Variants in PDSS1 observed in about 807,000 individuals in gnomAD.
PDSS1 encodes the protein all trans-polyprenyl-diphosphate synthase PDSS1.
PDSS1 carries 43 observed loss-of-function variants against 57.5 expected under a neutral mutation model. The ratio of observed to expected loss-of-function variants is 0.75; its 90% CI spans 0.59 to 0.96. The LOEUF is 0.96. Ranked by LOEUF, PDSS1 falls within the 50% of genes least tolerant of loss-of-function variation. The pLI, the probability that PDSS1 is intolerant of heterozygous loss-of-function variation, is 0.00. For synonymous variants in PDSS1, 175 were observed against 191.3 expected, an observed-to-expected ratio of 0.91 and a Z score of 0.70; for missense variants, 438 against 527.8, an observed-to-expected ratio of 0.83 and a Z score of 1.67.
At chr10:26,740,604 A>AC (rs1272524110) in intron 10 of PDSS1, 1 of 456,674 alleles carries the variant, frequency 2.2e-6, no homozygotes, top group Non-Finnish European at 4.4e-6. Flanking sequence ...GATTACTAAT[A>AC]CCATGGTCAT....
At chr10:26,709,016 TC>T (rs1184783476) in intron 4 of PDSS1, among the ~76,000 whole-genome samples, 1 of 151,904 alleles carries the variant, frequency 6.6e-6, no homozygotes, top group Admixed American at 6.6e-5. Flanking sequence ...GAGCCCAGAG[TC>T]CCTTAGCCAC....
At chr10:26,733,060 C>T (rs1836270398) in intron 8 of PDSS1, among the ~76,000 whole-genome samples, 1 of 152,118 alleles carries the variant, frequency 6.6e-6, no homozygotes, top group African/African-American at 2.4e-5. Flanking sequence ...TGCACTCTAG[C>T]CTGGGTGACA....
At chr10:26,742,994 G>A (rs550309499) in intron 11 of PDSS1, among the ~76,000 whole-genome samples, 1 of 152,308 alleles carries the variant, frequency 6.6e-6, no homozygotes, top group African/African-American at 2.4e-5. Flanking sequence ...CTGCTGGACT[G>A]CTGCAATAGT....
At chr10:26,726,125 G>A (rs940796924) in intron 8 of PDSS1, among the ~76,000 whole-genome samples, 1 of 152,112 alleles carries the variant, frequency 6.6e-6, no homozygotes, top group African/African-American at 2.4e-5. Flanking sequence ...TGATAGAGAG[G>A]TTTCCTTGTG....
chr10:26,709,352 G>T (rs1041622608), intron 4 of PDSS1, among the ~76,000 whole-genome samples: 9 of 152,192 alleles, frequency 5.9e-5, no homozygotes, highest in Admixed American at 5.9e-4. Flanking sequence ...CTGATGTCAG[G>T]AGTTTAAGAC....
At chr10:26,704,083 CAAAA>C (rs1203931422) in intron 2 of PDSS1, among the ~76,000 whole-genome samples, 5 of 31,076 alleles carry the variant, frequency 1.6e-4, no homozygotes, top group South Asian at 1.9e-3. Flanking sequence ...CTCCGTCTCA[CAAAA>C]AAAAAAAAAA....
chr10:26,697,858 G>T lies in PDSS1; in HGVS notation c.129+18G>T, dbSNP rs761699977. ...GCGCGCAGGTGAGGTTGGGAGGCGC[G>T]CGCCCGGCGGGGCTCAGAGGTCACG... On this transcript the variant is annotated intron_variant, in intron 1 of 11. Coordinates refer to ENST00000376215, the MANE Select transcript of PDSS1 (RefSeq NM_014317.5). The T allele has an allele frequency of 3.8e-6, 5 of 1,303,798 alleles. No individual in the cohort carries two copies. The South Asian group carries it at 1.1e-4, about 28-fold the overall frequency. The allele number at this position is 1,303,798 out of a possible 1,614,324, so 80.8% of individuals were successfully genotyped here.
At chr10:26,699,976 T>C (rs1222001225) in intron 1 of PDSS1, among the ~76,000 whole-genome samples, 1 of 152,178 alleles carries the variant, frequency 6.6e-6, no homozygotes, top group Admixed American at 6.5e-5. Flanking sequence ...GACACAGAAC[T>C]ACAATAACTA....
intron 8 of PDSS1, among the ~76,000 whole-genome samples, chr10:26,724,643 T>A (rs1336512071): frequency 6.6e-6 from 1 of 152,188 alleles, no homozygotes; most frequent in Non-Finnish European, 1.5e-5. Flanking sequence ...AGTGGTGTGA[T>A]CTTGGCTCAC....
intron 1 of PDSS1, among the ~76,000 whole-genome samples, chr10:26,699,670 TAC>T (rs1437089928): frequency 6.6e-6 from 1 of 152,168 alleles, no homozygotes; most frequent in Non-Finnish European, 1.5e-5. Context: ...GTGCGGGGAT[TAC>T]AGGTGTGAGC....
rs1836943381 is a variant in PDSS1 at position 26,746,620 on chromosome 10, A to T, written c.*147A>T. 6 of 830,604 alleles carry T rather than the reference A, an allele frequency of 7.2e-6. No homozygotes were observed. Among genetic ancestry groups the T allele is most frequent in the Middle Eastern group, 3.6e-4 (1 of 2,794 alleles). 51.5% of individuals were successfully genotyped at this position (830,604 alleles called of 1,614,324 possible). Reference sequence around the variant, plus strand: ...ATTGATGGGCAATTTATTTTTTTTTATTGCAAAAGTTTTTTCAGAAAACTT... The same window carrying T: ...ATTGATGGGCAATTTATTTTTTTTTTTTGCAAAAGTTTTTTCAGAAAACTT... On this transcript the variant is annotated 3_prime_UTR_variant, in exon 12 of 12. Coordinates refer to ENST00000376215, the MANE Select transcript of PDSS1 (RefSeq NM_014317.5).
intron 4 of PDSS1, among the ~76,000 whole-genome samples, chr10:26,708,431 T>C (rs1835313419): frequency 6.6e-6 from 1 of 152,214 alleles, no homozygotes; most frequent in African/African-American, 2.4e-5. Flanking sequence ...AATACTCAGT[T>C]TTTCTAGCCT....
chr10:26,709,875 G>A, intron 5 of PDSS1, 107 bp downstream of exon 5: 1 of 1,212,426 alleles, frequency 8.2e-7, no homozygotes, highest in Non-Finnish European at 1.2e-6. Flanking sequence ...TATACCGGCT[G>A]GGCATGGTGG....
rs146761267 is a variant in PDSS1 at position 26,710,247 on chromosome 10, G to A, written c.467+479G>A. On this transcript the variant is annotated intron_variant, in intron 5 of 11. Coordinates refer to ENST00000376215, the MANE Select transcript of PDSS1 (RefSeq NM_014317.5). Reference sequence around the variant, plus strand: ...TAAAGTCACTCAGGAATCTAGTCTGGCATCTTTTTTTTTTTTGAGACGGAG... The same window carrying A: ...TAAAGTCACTCAGGAATCTAGTCTGACATCTTTTTTTTTTTTGAGACGGAG... 1.0e-3 allele frequency among the ~76,000 whole-genome samples: 93 copies of A among 90,104 alleles called. 25 individuals are homozygous for A. The East Asian group carries it at 0.023, about 22-fold the overall frequency. 59.1% of individuals were successfully genotyped at this position (90,104 alleles called of 152,430 possible).
intron 11 of PDSS1, among the ~76,000 whole-genome samples, chr10:26,745,037 G>A (rs72792186): frequency 0.01 from 1,526 of 152,004 alleles, 23 homozygotes; most frequent in East Asian, 0.068. Flanking sequence ...GGTAGTGCAC[G>A]CCTATAATCC....
intron 8 of PDSS1, among the ~76,000 whole-genome samples, chr10:26,725,546 GTA>G (rs1835924062): frequency 6.6e-6 from 1 of 151,924 alleles, no homozygotes; most frequent in African/African-American, 2.4e-5. Context: ...ATGGAAGAAA[GTA>G]TAGACACGAG....
intron 1 of PDSS1, among the ~76,000 whole-genome samples, chr10:26,699,036 G>A (rs182897977): frequency 6.6e-6 from 1 of 152,196 alleles, no homozygotes; most frequent in Admixed American, 6.5e-5. Context: ...GAGGGAGGAG[G>A]ATTGTTCGAT....
In PDSS1 at chr10:26,735,225, CTCTT is replaced by C. The variant is rs772225677; in HGVS notation, c.832-11_832-8del. Reference sequence around the variant, plus strand: ...CCTGGAAGCAGCTTATCTCAGAATGCTCTTTCTGTTTCAGGTCTCTGTTCTAGGA... The same window carrying C: ...CCTGGAAGCAGCTTATCTCAGAATGCTCTGTTTCAGGTCTCTGTTCTAGGA... On this transcript the variant is annotated splice_polypyrimidine_tract_variant and intron_variant, in intron 8 of 11. Coordinates refer to ENST00000376215, the MANE Select transcript of PDSS1 (RefSeq NM_014317.5). 6 of 1,596,460 alleles carry C rather than the reference CTCTT, an allele frequency of 3.8e-6. No individual in the cohort carries two copies. Among genetic ancestry groups the C allele is most frequent in the African/African-American group, 2.7e-5 (2 of 74,550 alleles).
intron 8 of PDSS1, chr10:26,734,637 T>A: frequency 2.2e-6 from 1 of 455,952 alleles, no homozygotes; most frequent in South Asian, 1.5e-5. Flanking sequence ...TTCCTTCCGA[T>A]AATGAAAGAG....
Sources: gnomAD v4.1 joint callset for allele counts (sites outside exome capture counted in the v4.1 genomes callset) on GRCh38, gnomAD v4.1.1 for gene constraint, MANE v1.5 for transcripts, NCBI Gene and HGNC (gene_info 2026-07-23, HGNC 2026-07-21) for gene names.